The following ADGRG4 variants were observed in gnomAD, a reference collection of about 807,000 sequenced individuals.
The protein encoded by ADGRG4 is adhesion G protein-coupled receptor G4.
ADGRG4 carries 122 observed loss-of-function variants against 126.2 expected under a neutral mutation model. The ratio of observed to expected loss-of-function variants is 0.97; its 90% CI spans 0.83 to 1.12. The LOEUF (loss-of-function observed/expected upper bound fraction) is 1.12, where lower values mean the gene tolerates loss of function less well. Ranked by LOEUF, ADGRG4 falls within the 50% of genes most tolerant of loss-of-function variation. ADGRG4 has a pLI of 0.00. For missense variants in ADGRG4, 2,481 were observed against 2,251.8 expected (o/e 1.10, Z -2.06); for synonymous variants, 943 against 838.7 (o/e 1.12, Z -2.15).
At chrX:136,329,895 C>T (rs1394593981) in intron 5 of ADGRG4, among the ~76,000 whole-genome samples, 6 of 108,905 alleles carry the variant, frequency 5.5e-5, no homozygotes, top group Admixed American at 9.9e-5. Context: ...TTGGTAGAGA[C>T]GGGGTCTTGC....
At chrX:136,316,696 G>C (rs2074807044) in intron 4 of ADGRG4, among the ~76,000 whole-genome samples, 1 of 111,704 alleles carries the variant, frequency 9.0e-6, no homozygotes, top group Non-Finnish European at 1.9e-5. Context: ...TCAAACTCCT[G>C]ACCTCAGGTG....
At chrX:136,374,751 A>G (rs1314261031) in intron 15 of ADGRG4, among the ~76,000 whole-genome samples, 1 of 112,128 alleles carries the variant, frequency 8.9e-6, no homozygotes, top group Admixed American at 9.4e-5. Context: ...GTTTAAATGT[A>G]TTAGAAACTG....
At position 136,346,790 on chromosome X, in the gene ADGRG4, G is replaced by A. The variant is rs1162729264; in HGVS notation, c.3084G>A (p.Glu1028=). The change falls in exon 6 of 26, where the codon GAG becomes GAA. Residue 1028 remains glutamate, a synonymous_variant. Transcript: ENST00000394143. ...ATGGCAGTTCTGTGGTGGCTGAGGA[G>A]ACTGAGGTTACCATGTCTGAGCCTT... is the stretch of plus-strand genomic sequence containing the variant. ...PVNGSSVVAE[E]TEVTMSEPST... 4.1e-6 allele frequency: 5 copies of A among 1,211,409 alleles called. No homozygotes were observed. In the East Asian group the frequency reaches 1.2e-4, roughly 29 times the overall value.
At chrX:136,388,359 C>T (rs946757903) in intron 16 of ADGRG4, among the ~76,000 whole-genome samples, 9 of 112,017 alleles carry the variant, frequency 8.0e-5, no homozygotes, top group African/African-American at 2.3e-4. Context: ...AGTCCTCACC[C>T]ACTAGAAAAC....
In ADGRG4 at chrX:136,396,610, AAGAG is replaced by A. The variant is rs1193246292; in HGVS notation, c.8184+1133_8184+1136del. Among the ~76,000 whole-genome samples the A allele has an allele frequency of 2.9e-3, 297 of 101,548 alleles. 3 individuals carry two copies. The highest frequency in any genetic ancestry group is 0.01 in the African/African-American group (280 of 27,585). 88.2% of individuals were successfully genotyped at this position (101,548 alleles called of 115,157 possible). ...AACCTGTCCCAAAAAAAAAAAAAAA[AAGAG>A]AGAGAGAGAGAGAGACCAGGGTTCT... On this transcript the variant is annotated intron_variant, in intron 19 of 25. Coordinates refer to ENST00000394143, the MANE Select transcript of ADGRG4 (RefSeq NM_153834.4).
Position 136,345,030 on chromosome X carries a change from G to A in ADGRG4, c.1324G>A (p.Ala442Thr). ...TAGQEFIESTAAGTVPWFTVE... is the reference protein window; with the variant it reads ...TAGQEFIESTTAGTVPWFTVE... ...TGGCCAGGAGTTCATTGAATCTACAGCTGCCGGAACTGTACCTTGGTTTAC... is the reference window on the plus strand; with the variant it reads ...TGGCCAGGAGTTCATTGAATCTACAACTGCCGGAACTGTACCTTGGTTTAC... Residue 442 changes from alanine to threonine, a missense_variant, in exon 6 of 26, where the codon GCT (alanine) becomes ACT (threonine). Coordinates refer to ENST00000394143, the MANE Select transcript of ADGRG4 (RefSeq NM_153834.4). 1 of 1,211,385 alleles carries A rather than the reference G, an allele frequency of 8.3e-7. No homozygotes were observed. Among genetic ancestry groups the A allele is most frequent in the Non-Finnish European group, 1.1e-6 (1 of 895,238 alleles).
chrX:136,345,971 A>G lies in ADGRG4; in HGVS notation c.2265A>G (p.Lys755=), dbSNP rs1183746913. ...CCATAACCAATATGCCTGAATTTAA[A>G]CTTACCACTTTACTACTAAAAACAA... ...TTSITNMPEF[K]LTTLLLKTIP... The change falls in exon 6 of 26, where the codon AAA becomes AAG. Residue 755 remains lysine, a synonymous_variant. Coordinates refer to ENST00000394143, the MANE Select transcript of ADGRG4 (RefSeq NM_153834.4). 2.5e-6 allele frequency: 3 copies of G among 1,210,175 alleles called. No homozygotes were observed. Among genetic ancestry groups the G allele is most frequent in the Non-Finnish European group, 3.4e-6 (3 of 894,658 alleles).
intron 5 of ADGRG4, among the ~76,000 whole-genome samples, chrX:136,343,069 C>G (rs1210666054): frequency 9.1e-6 from 1 of 109,756 alleles, no homozygotes; most frequent in Non-Finnish European, 1.9e-5. Context: ...ATGATGGTGA[C>G]TGGTTAGGGT....
rs2075041240 is a variant in ADGRG4 at position 136,349,099 on chromosome X, TGACTTCCTTGTTAGAAAA to T, written c.5403_5420del (p.Leu1802_Leu1807del). On this transcript the variant is annotated inframe_deletion, in exon 6 of 26. Coordinates refer to ENST00000394143, the MANE Select transcript of ADGRG4 (RefSeq NM_153834.4). ...TGCTTTTCTTCTAATACTAGAAAGA[TGACTTCCTTGTTAGAAAA>T]GACTTCCTTAACAAACTATGCCACA... is the stretch of plus-strand genomic sequence containing the variant. 6.6e-6 allele frequency: 8 copies of T among 1,205,609 alleles called. No individual in the cohort carries two copies. Among genetic ancestry groups the T allele is most frequent in the Non-Finnish European group, 9.0e-6 (8 of 892,117 alleles).
chrX:136,331,460 G>C (rs1214563735), intron 5 of ADGRG4, among the ~76,000 whole-genome samples: 1 of 112,487 alleles, frequency 8.9e-6, no homozygotes, highest in Admixed American at 9.4e-5. Flanking sequence ...CTGTCAGACT[G>C]TTTACAAACT....
intron 19 of ADGRG4, among the ~76,000 whole-genome samples, chrX:136,397,658 G>A (rs1329794159): frequency 9.0e-6 from 1 of 110,861 alleles, no homozygotes; most frequent in Non-Finnish European, 1.9e-5. Context: ...TTCTTCCAAT[G>A]CTATTGATGG....
chrX:136,318,717 C>T (rs1360197756), intron 4 of ADGRG4, among the ~76,000 whole-genome samples: 1 of 111,063 alleles, frequency 9.0e-6, no homozygotes, highest in East Asian at 2.8e-4. Flanking sequence ...CAAAAACAAG[C>T]AAAGCCTGTG....
Position 136,414,204 on chromosome X carries a change from G to A in ADGRG4, c.9082G>A (p.Gly3028Arg). The change falls in exon 25 of 26, where the codon GGA becomes AGA. Residue 3028 changes from glycine (G) to arginine (R), a missense_variant. Gly to Arg is a moderately radical substitution (Grantham distance 125, BLOSUM62 -2). Transcript: ENST00000394143. ...GATAAAGGTTGGATATAAACAGGAGGGACTAAAGAAAATCTTTGAGCACAA... is the reference window on the plus strand; with the variant it reads ...GATAAAGGTTGGATATAAACAGGAGAGACTAAAGAAAATCTTTGAGCACAA... ...CQIKVGYKQE[G>R]LKKIFEHKLL... is the part of the protein sequence containing the mutation. 8.3e-7 allele frequency: 1 copy of A among 1,205,984 alleles called. No homozygotes were observed. The highest frequency in any genetic ancestry group is 1.1e-6 in the Non-Finnish European group (1 of 891,289).
chrX:136,344,279 A>G (rs907990229), intron 5 of ADGRG4, 113 bp from the exon 6 acceptor site: 5 of 496,659 alleles, frequency 1.0e-5, no homozygotes, highest in South Asian at 7.6e-5. Flanking sequence ...AAGTGATTTG[A>G]TTATATCTAT....
chrX:136,323,291 AAG>A lies in ADGRG4; in HGVS notation c.587_588del (p.Glu196ValfsTer11), dbSNP rs2074851683. On this transcript the variant is annotated frameshift_variant, in exon 5 of 26. Coordinates refer to ENST00000394143, the MANE Select transcript of ADGRG4 (RefSeq NM_153834.4). LOFTEE classifies it high-confidence loss of function. Reference sequence around the variant, plus strand: ...CTCTGGGACCACATCCTGGAAAACGAAGAGTTTATGAAGTGTTTAGATGGAAA... The same window carrying A: ...CTCTGGGACCACATCCTGGAAAACGAAGTTTATGAAGTGTTTAGATGGAAA... 8.3e-7 allele frequency: 1 copy of A among 1,210,893 alleles called. No individual in the cohort carries two copies. Among genetic ancestry groups the A allele is most frequent in the South Asian group, 1.8e-5 (1 of 56,924 alleles).
rs894826241 is a variant in ADGRG4, at chrX:136,308,788, A to G, written c.11A>G (p.His4Arg). ...ACACAGACTTAGACAATGAAAGAAC[A>G]CATCATATATCAGAAGCTTTATGGA... MKE[H>R]IIYQKLYGLI... Residue 4 changes from histidine to arginine, a missense_variant, in exon 4 of 26, where the codon CAC becomes CGC. His to Arg is a conservative substitution (Grantham distance 29). Transcript: ENST00000394143. The G allele has an allele frequency of 1.7e-6, 2 of 1,162,175 alleles. No individual in the cohort carries two copies. Among genetic ancestry groups the G allele is most frequent in the African/African-American group, 1.8e-5 (1 of 56,920 alleles).
At position 136,349,508 on chromosome X, in the gene ADGRG4, C is replaced by A. The variant is rs1357450255; in HGVS notation, c.5802C>A (p.Val1934=). The part of the protein sequence containing the change: ...ASQTGLVSKD[V]MAMSSIPMSG... ...AGACTGGTCTAGTATCTAAAGATGT[C>A]ATGGCAATGTCATCAATTCCTATGT... The change falls in exon 6 of 26, where the codon GTC becomes GTA. Residue 1934 remains valine, a synonymous_variant. Transcript: ENST00000394143. 2.5e-6 allele frequency: 3 copies of A among 1,205,331 alleles called. No individual in the cohort carries two copies. The highest frequency in any genetic ancestry group is 1.8e-5 in the South Asian group (1 of 56,827).
At chrX:136,407,852 T>G (rs1055709010) in intron 23 of ADGRG4, among the ~76,000 whole-genome samples, 1 of 111,996 alleles carries the variant, frequency 8.9e-6, no homozygotes, top group Non-Finnish European at 1.9e-5. Flanking sequence ...TTCTACACTT[T>G]TTCTCTGGAT....
chrX:136,377,950 T>C (rs1318745742), intron 15 of ADGRG4, among the ~76,000 whole-genome samples: 1 of 111,002 alleles, frequency 9.0e-6, no homozygotes, highest in Non-Finnish European at 1.9e-5. Context: ...TCAAGATTGC[T>C]TTGGTTATTC....
Sources: gnomAD v4.1 joint callset for allele counts (sites outside exome capture counted in the v4.1 genomes callset) on GRCh38, gnomAD v4.1.1 for gene constraint, MANE v1.5 for transcripts, NCBI Gene and HGNC (gene_info 2026-07-23, HGNC 2026-07-21) for gene names.